Variants in ACVR1C observed in about 807,000 individuals in gnomAD.
The protein encoded by ACVR1C is activin A receptor type 1C.
In ACVR1C, 23 loss-of-function variants were observed where a neutral mutation model predicts 57.9. That is an observed-to-expected ratio of 0.40 (90% CI 0.29 to 0.56). The LOEUF (loss-of-function observed/expected upper bound fraction) is 0.56, where lower values mean the gene tolerates loss of function less well. Among genes scored for constraint, ACVR1C ranks in the 20% least tolerant of loss-of-function variants. The pLI is 0.50. For synonymous variants in ACVR1C, 214 were observed against 215.3 expected (o/e 0.99, Z 0.05); for missense variants, 480 against 607.9 (o/e 0.79, Z 2.21).
intron 1 of ACVR1C, among the ~76,000 whole-genome samples, chr2:157,607,688 G>C (rs914953647): frequency 1.3e-5 from 2 of 151,380 alleles, no homozygotes; most frequent in Non-Finnish European, 3.0e-5. Flanking sequence ...TCACATTCTT[G>C]GTTAAGTTTA....
chr2:157,539,838 C>G (rs866419288), intron 7 of ACVR1C, among the ~76,000 whole-genome samples: 1 of 152,114 alleles, frequency 6.6e-6, no homozygotes, highest in Middle Eastern at 3.2e-3. Flanking sequence ...CTTCTATAAA[C>G]AGTTGTAGAT....
At chr2:157,579,636 T>C (rs1394027215) in intron 2 of ACVR1C, among the ~76,000 whole-genome samples, 1 of 152,228 alleles carries the variant, frequency 6.6e-6, no homozygotes, top group Non-Finnish European at 1.5e-5. Context: ...GTATATGCTC[T>C]TTCCTGTTGT....
intron 3 of ACVR1C, among the ~76,000 whole-genome samples, chr2:157,550,734 C>CAAAAAAA (rs61211065): frequency 7.2e-6 from 1 of 138,618 alleles, no homozygotes; most frequent in Non-Finnish European, 1.5e-5. Flanking sequence ...AGAGTAAAAG[C>CAAAAAAA]AAAAAAAAAA....
intron 1 of ACVR1C, among the ~76,000 whole-genome samples, chr2:157,628,297 C>G (rs1682949169): frequency 6.6e-6 from 1 of 152,152 alleles, no homozygotes; most frequent in African/African-American, 2.4e-5. Context: ...AGTCACCCAC[C>G]TCACCCCTAC....
At chr2:157,558,140 G>C (rs977254024) in intron 2 of ACVR1C, among the ~76,000 whole-genome samples, 1 of 152,192 alleles carries the variant, frequency 6.6e-6, no homozygotes, top group Non-Finnish European at 1.5e-5. Context: ...TCTAGAGAGA[G>C]AGAAACCACT....
chr2:157,604,823 CATT>C (rs2105143063), intron 1 of ACVR1C, among the ~76,000 whole-genome samples: 1 of 151,924 alleles, frequency 6.6e-6, no homozygotes, highest in African/African-American at 2.4e-5. Context: ...GTTTTGCAAA[CATT>C]ATTTCCTGGC....
intron 2 of ACVR1C, among the ~76,000 whole-genome samples, chr2:157,565,466 A>G (rs1688346703): frequency 6.6e-6 from 1 of 152,088 alleles, no homozygotes; most frequent in Non-Finnish European, 1.5e-5. Context: ...TCCCTCCAAC[A>G]TGCTCCATTT....
intron 3 of ACVR1C, among the ~76,000 whole-genome samples, chr2:157,554,192 T>C (rs188888062): frequency 5.5e-5 from 1 of 18,218 alleles, no homozygotes; most frequent in Non-Finnish European, 1.1e-4. Context: ...AAAAAAAAAA[T>C]AAAGAAGAGA....
intron 8 of ACVR1C, among the ~76,000 whole-genome samples, chr2:157,536,947 A>G (rs528520519): frequency 6.6e-6 from 1 of 152,312 alleles, no homozygotes; most frequent in South Asian, 2.1e-4. Flanking sequence ...AATGTAAGTC[A>G]TTGCATTAAA....
At position 157,628,735 on chromosome 2, in the gene ACVR1C, C is replaced by T. The variant is rs937260353; in HGVS notation, c.-91G>A. ...GGCCCGCTTTGAAGTTCCCGGGCCG[C>T]GGGAGGGGAGCGCGGCACCGACACC... On this transcript the variant is annotated 5_prime_UTR_variant, in exon 1 of 9. Coordinates refer to ENST00000243349, the MANE Select transcript of ACVR1C (RefSeq NM_145259.3). The T allele has an allele frequency of 3.4e-6, 4 of 1,177,866 alleles. No individual in the cohort carries two copies. The highest frequency in any genetic ancestry group is 3.2e-5 in the Admixed American group (1 of 31,050). The allele number at this position is 1,177,866 out of a possible 1,614,324, so 73.0% of individuals were successfully genotyped here. A position where few individuals can be genotyped will look rare whatever the true frequency, so the allele number is the denominator to read the frequency against.
chr2:157,598,200 G>GAAAAAAAAAAA (rs575735322), intron 1 of ACVR1C, among the ~76,000 whole-genome samples: 3 of 76,016 alleles, frequency 3.9e-5, no homozygotes, highest in Non-Finnish European at 8.3e-5. Flanking sequence ...GAAGAACATT[G>GAAAAAAAAAAA]AAAAAAAAAA....
At chr2:157,617,349 C>T (rs1373876778) in intron 1 of ACVR1C, among the ~76,000 whole-genome samples, 1 of 151,990 alleles carries the variant, frequency 6.6e-6, no homozygotes, top group Non-Finnish European at 1.5e-5. Flanking sequence ...TAGCTGCACA[C>T]TTCTCTCAGT....
At chr2:157,625,544 C>A (rs1292697922) in intron 1 of ACVR1C, among the ~76,000 whole-genome samples, 1 of 147,196 alleles carries the variant, frequency 6.8e-6, no homozygotes, top group Non-Finnish European at 1.5e-5. Context: ...CTTCCAGCAA[C>A]ACTGTGGAAA....
In ACVR1C at chr2:157,592,326, G is replaced by A. The variant is rs557783450; in HGVS notation, c.74-4909C>T. On this transcript the variant is annotated intron_variant, in intron 1 of 8. Coordinates refer to ENST00000243349, the MANE Select transcript of ACVR1C (RefSeq NM_145259.3). ...AATAGTTCTTACCAAGGATTTATGC[G>A]GATACTCACTGAATGTTTCACAAGC... Among the ~76,000 whole-genome samples the A allele has an allele frequency of 4.7e-4, 72 of 152,010 alleles. 1 individual carries two copies. The South Asian group carries it at 0.013, about 28-fold the overall frequency.
Position 157,533,859 on chromosome 2 carries a change from TA to T in ACVR1C, c.*58del. 4.1e-6 allele frequency: 6 copies of T among 1,454,102 alleles called. No individual in the cohort carries two copies. The highest frequency in any genetic ancestry group is 4.5e-6 in the Non-Finnish European group (5 of 1,102,640). The allele number at this position is 1,454,102 out of a possible 1,614,324, so 90.1% of individuals were successfully genotyped here. ...AAAAAAAATGGCAAAAACATTCACA[TA>T]AAGGGGAAAATGGAAAAGAAAGCTA... On this transcript the variant is annotated 3_prime_UTR_variant, in exon 9 of 9. Coordinates refer to ENST00000243349, the MANE Select transcript of ACVR1C (RefSeq NM_145259.3).
chr2:157,565,272 C>T (rs116097128), intron 2 of ACVR1C, among the ~76,000 whole-genome samples: 2,883 of 152,156 alleles, frequency 0.019, 104 homozygotes, highest in African/African-American at 0.065. Flanking sequence ...GGCTAAGGAG[C>T]TAAGTCACAA....
chr2:157,547,404 C>G (rs1427096836), intron 4 of ACVR1C, among the ~76,000 whole-genome samples: 1 of 50,838 alleles, frequency 2.0e-5, no homozygotes, highest in Non-Finnish European at 4.7e-5. Context: ...CTGACTTCCA[C>G]AATGGTTGAA....
intron 1 of ACVR1C, among the ~76,000 whole-genome samples, chr2:157,607,480 G>A (rs1477803192): frequency 1.3e-5 from 2 of 151,432 alleles, no homozygotes; most frequent in Non-Finnish European, 3.0e-5. Context: ...TGAATTTTAG[G>A]ATTTTTTTTA....
chr2:157,544,751 T>C, intron 4 of ACVR1C, 139 bp from the exon 5 acceptor site: 1 of 632,570 alleles, frequency 1.6e-6, no homozygotes, highest in South Asian at 3.0e-5. Flanking sequence ...CAGTCCAAGT[T>C]AGTAAAGAAA....
Sources: allele counts gnomAD v4.1 joint callset (sites outside exome capture counted in the v4.1 genomes callset), GRCh38; gene constraint gnomAD v4.1.1; transcripts MANE v1.5; gene names NCBI Gene and HGNC (gene_info 2026-07-23, HGNC 2026-07-21).